The following RORA variants were observed in gnomAD, a reference collection of about 807,000 sequenced individuals.
RORA encodes RAR related orphan receptor A.
In RORA, 7 loss-of-function variants were observed where a neutral mutation model predicts 69.5. The ratio of observed to expected loss-of-function variants is 0.10; its 90% CI spans 0.06 to 0.19. The LOEUF (loss-of-function observed/expected upper bound fraction) is 0.19. Among genes scored for constraint, RORA ranks in the 10% least tolerant of loss-of-function variants. The probability of loss-of-function intolerance (pLI) is 1.00; values close to 1 mark genes in which losing one functional copy is unlikely to be tolerated. For missense variants in RORA, 457 were observed against 663.0 expected, an observed-to-expected ratio of 0.69 and a Z score of 3.41; for synonymous variants, 261 against 240.8, an observed-to-expected ratio of 1.08 and a Z score of -0.78.
chr15:61,105,076 T>A (rs577573544), intron 1 of RORA, among the ~76,000 whole-genome samples: 6 of 150,356 alleles, frequency 4.0e-5, no homozygotes, highest in Non-Finnish European at 8.9e-5. Context: ...CTTGGGTATG[T>A]CTTTGTCAGC....
At chr15:60,606,854 C>T (rs983752041) in intron 2 of RORA, among the ~76,000 whole-genome samples, 6 of 150,820 alleles carry the variant, frequency 4.0e-5, no homozygotes, top group African/African-American at 1.5e-4. Context: ...AGACAGAAGC[C>T]GAAAAAACAG....
intron 1 of RORA, among the ~76,000 whole-genome samples, chr15:60,782,783 G>A (rs2072282026): frequency 6.6e-6 from 1 of 152,132 alleles, no homozygotes; most frequent in South Asian, 2.1e-4. Context: ...GCAAATTAAA[G>A]CAACTTTGAA....
rs1025989053 is a variant in RORA at position 60,889,046 on chromosome 15, C to T, written c.167-210360G>A. On this transcript the variant is annotated intron_variant, in intron 1 of 10. Transcript: ENST00000335670. ...GAGATGCTTAAGGAAAATGGGGCCA[C>T]CTCAGAGGCACCTCTCCTGACCCTT... is the stretch of plus-strand genomic sequence containing the variant. 3.2e-4 allele frequency among the ~76,000 whole-genome samples: 48 copies of T among 152,340 alleles called. 1 individual carries two copies. The Middle Eastern group carries it at 0.01, about 32-fold the overall frequency.
chr15:60,707,540 T>A (rs2071081907), intron 1 of RORA, among the ~76,000 whole-genome samples: 1 of 151,914 alleles, frequency 6.6e-6, no homozygotes, highest in South Asian at 2.1e-4. Context: ...ATTTTTTGTA[T>A]TTTTAGTAGA....
intron 2 of RORA, among the ~76,000 whole-genome samples, chr15:60,657,859 C>A (rs1166728311): frequency 6.6e-6 from 1 of 152,204 alleles, no homozygotes; most frequent in Non-Finnish European, 1.5e-5. Context: ...TCCTTCACTG[C>A]TCTTCAGGTT....
At chr15:60,819,763 A>ACACACACACACACGCG (rs1555455754) in intron 1 of RORA, among the ~76,000 whole-genome samples, 12 of 140,916 alleles carry the variant, frequency 8.5e-5, no homozygotes, top group African/African-American at 2.8e-4. Context: ...ACACACACAC[A>ACACACACACACACGCG]CACACACACA....
At chr15:61,103,404 T>C (rs1288129904) in intron 1 of RORA, among the ~76,000 whole-genome samples, 1 of 152,346 alleles carries the variant, frequency 6.6e-6, no homozygotes, top group East Asian at 1.9e-4. Flanking sequence ...AAACTCAGTG[T>C]AATGACTTCC....
At chr15:60,615,773 C>A (rs1433508259) in intron 2 of RORA, among the ~76,000 whole-genome samples, 1 of 152,180 alleles carries the variant, frequency 6.6e-6, no homozygotes, top group Non-Finnish European at 1.5e-5. Context: ...ATGACAAGTC[C>A]TTTTGTTAAT....
chr15:60,735,040 A>G (rs2140841757), intron 1 of RORA, among the ~76,000 whole-genome samples: 1 of 152,370 alleles, frequency 6.6e-6, no homozygotes, highest in Middle Eastern at 3.4e-3. Flanking sequence ...AGTTTACAAA[A>G]GCAAATCTCT....
chr15:60,996,411 G>A (rs971247027), intron 1 of RORA, among the ~76,000 whole-genome samples: 21 of 152,094 alleles, frequency 1.4e-4, no homozygotes, highest in African/African-American at 4.8e-4. Flanking sequence ...GGGTATATAC[G>A]ATTGTCAAAA....
intron 1 of RORA, among the ~76,000 whole-genome samples, chr15:60,826,378 T>C (rs985556640): frequency 2.0e-5 from 3 of 152,168 alleles, no homozygotes; most frequent in Admixed American, 6.5e-5. Context: ...GGGTCCCGGG[T>C]GCTAAAAACA....
In RORA at chr15:60,622,347, TAACACC is replaced by T. The variant is rs751094631; in HGVS notation, c.196+56304_196+56309del. The stretch of plus-strand genomic sequence containing the variant: ...CAAGATGCAGGCTGGGCGTGATGGC[TAACACC>T]TGTAATCCCAGCACTTTGGGAGGCT... On this transcript the variant is annotated intron_variant, in intron 2 of 10. Coordinates refer to ENST00000335670, the MANE Select transcript of RORA (RefSeq NM_134261.3). Among the ~76,000 whole-genome samples the T allele has an allele frequency of 5.7e-3, 869 of 152,102 alleles. 4 individuals carry two copies. The highest frequency in any genetic ancestry group is 9.5e-3 in the Non-Finnish European group (646 of 67,966).
chr15:60,793,798 A>G (rs2072451176), intron 1 of RORA, among the ~76,000 whole-genome samples: 1 of 152,150 alleles, frequency 6.6e-6, no homozygotes, highest in African/African-American at 2.4e-5. Flanking sequence ...CTAGACTCCA[A>G]GGCTTACTGG....
At chr15:60,547,174 C>G (rs2067096214) in intron 2 of RORA, among the ~76,000 whole-genome samples, 1 of 152,188 alleles carries the variant, frequency 6.6e-6, no homozygotes, top group African/African-American at 2.4e-5. Flanking sequence ...AACAAATTCA[C>G]TGGCTCCAGG....
chr15:60,758,763 C>T (rs1049398668), intron 1 of RORA, among the ~76,000 whole-genome samples: 16 of 152,294 alleles, frequency 1.1e-4, no homozygotes, highest in African/African-American at 3.6e-4. Flanking sequence ...CCTGCAAAGT[C>T]ATCCTCAAAT....
At chr15:60,934,494 G>GTTGTTGT (rs879520926) in intron 1 of RORA, among the ~76,000 whole-genome samples, 104 of 116,820 alleles carry the variant, frequency 8.9e-4, no homozygotes, top group Admixed American at 3.7e-3. Flanking sequence ...TGTTGTTGTT[G>GTTGTTGT]TTGTTTGTTT....
At chr15:61,134,376 G>A (rs2079217946) in intron 1 of RORA, among the ~76,000 whole-genome samples, 1 of 152,206 alleles carries the variant, frequency 6.6e-6, no homozygotes, top group Non-Finnish European at 1.5e-5. Context: ...GCTGGGCTGT[G>A]AATACCAGCT....
At chr15:61,040,864 T>C (rs921753927) in intron 1 of RORA, among the ~76,000 whole-genome samples, 6 of 152,208 alleles carry the variant, frequency 3.9e-5, no homozygotes, top group Non-Finnish European at 5.9e-5. Flanking sequence ...TTTTTATTGA[T>C]AAAACTCTTG....
chr15:61,013,581 C>T (rs1487711331), intron 1 of RORA, among the ~76,000 whole-genome samples: 1 of 152,188 alleles, frequency 6.6e-6, no homozygotes, highest in Non-Finnish European at 1.5e-5. Context: ...ATCCCAAACA[C>T]CTTGAGCCTG....
Sources: allele counts gnomAD v4.1 joint callset (sites outside exome capture counted in the v4.1 genomes callset), GRCh38; gene constraint gnomAD v4.1.1; transcripts MANE v1.5; gene names NCBI Gene and HGNC (gene_info 2026-07-23, HGNC 2026-07-21).